Variants in ANK1 observed in about 807,000 individuals in gnomAD.
ANK1 encodes the protein ankyrin 1.
A neutral mutation model predicts 210.4 loss-of-function variants in ANK1; 51 were observed. The ratio of observed to expected loss-of-function variants is 0.24; its 90% confidence interval spans 0.19 to 0.31. ANK1 has a LOEUF of 0.31. Among genes scored for constraint, ANK1 ranks in the 10% least tolerant of loss-of-function variants. The pLI, the probability that ANK1 is intolerant of heterozygous loss-of-function variation, is 1.00. For missense variants in ANK1, 2,051 were observed against 2,504.4 expected (o/e 0.82, Z 3.86); for synonymous variants, 967 against 1,025.9 (o/e 0.94, Z 1.10).
At chr8:41,779,227 T>C (rs554724963) in intron 1 of ANK1, among the ~76,000 whole-genome samples, 1 of 152,098 alleles carries the variant, frequency 6.6e-6, no homozygotes, top group African/African-American at 2.4e-5. Context: ...TGGTCTGGAA[T>C]GCCCTTCTCT....
At chr8:41,852,660 A>T (rs1811473294) in intron 1 of ANK1, among the ~76,000 whole-genome samples, 1 of 152,246 alleles carries the variant, frequency 6.6e-6, no homozygotes, top group Non-Finnish European at 1.5e-5. Flanking sequence ...CTTCTAAGGG[A>T]AACATCCTTT....
intron 1 of ANK1, among the ~76,000 whole-genome samples, chr8:41,876,900 A>C (rs1413756541): frequency 6.6e-6 from 1 of 152,230 alleles, no homozygotes; most frequent in African/African-American, 2.4e-5. Flanking sequence ...CCATTTGATC[A>C]ATGTAAAGCC....
chr8:41,880,433 T>A (rs1429188135), intron 1 of ANK1, among the ~76,000 whole-genome samples: 3 of 152,188 alleles, frequency 2.0e-5, no homozygotes, highest in East Asian at 3.9e-4. Context: ...CCAGGAGTGA[T>A]TTTTTTCTTC....
At chr8:41,728,662 G>A (rs1439948208) in intron 3 of ANK1, among the ~76,000 whole-genome samples, 7 of 152,274 alleles carry the variant, frequency 4.6e-5, no homozygotes, top group Non-Finnish European at 8.8e-5. Context: ...GAAGGAGAGT[G>A]CGGCCATGTC....
intron 2 of ANK1, among the ~76,000 whole-genome samples, chr8:41,734,631 C>T (rs140423422): frequency 9.1e-4 from 139 of 152,076 alleles, no homozygotes; most frequent in African/African-American, 3.2e-3. Context: ...GTGGCTTACA[C>T]CTGTAGTCGC....
At chr8:41,727,794 G>T in intron 4 of ANK1, 114 bp downstream of exon 4, 1 of 973,296 alleles carries the variant, frequency 1.0e-6, no homozygotes, top group Non-Finnish European at 1.6e-6. Flanking sequence ...TCTAGGCCCT[G>T]CCCCACAGTA....
At position 41,696,361 on chromosome 8, in the gene ANK1, A is replaced by G; in HGVS notation, c.2960+2T>C. On this transcript the variant is annotated splice_donor_variant, in intron 26 of 42. Transcript: ENST00000289734. LOFTEE classifies it high-confidence loss of function. ...GAACACGGGCTGCCCGCGCAAGCTC[A>G]CCTCAGGAACTGTGCCCCCGTGGGC... 6.2e-7 allele frequency: 1 copy of G among 1,613,098 alleles called. No homozygotes were observed. The highest frequency in any genetic ancestry group is 8.5e-7 in the Non-Finnish European group (1 of 1,179,914).
At chr8:41,759,375 G>A (rs956497275) in intron 1 of ANK1, among the ~76,000 whole-genome samples, 4 of 151,956 alleles carry the variant, frequency 2.6e-5, no homozygotes, top group Admixed American at 6.6e-5. Context: ...GCTTGGTGAC[G>A]TGCACCTGTA....
intron 1 of ANK1, among the ~76,000 whole-genome samples, chr8:41,866,680 A>G (rs1450502252): frequency 6.6e-6 from 1 of 152,184 alleles, no homozygotes; most frequent in African/African-American, 2.4e-5. Context: ...GTCTCTGTGC[A>G]TTTCACTACT....
rs747393478 is a variant in ANK1, at chr8:41,690,557, G to A, written c.3901C>T (p.Leu1301=). ...TGGGCAGCTTTCTTCACAGGCACCA[G>A]GTTCCCAGAGAGTTCTGCAAACAGG... The part of the protein sequence containing the change: ...MSLFAELSGN[L]VPVKKAAQQR... Residue 1301 remains leucine (L), a synonymous_variant, in exon 32 of 43, where the codon CTG becomes TTG. Transcript: ENST00000289734. 32 of 1,613,718 alleles carry A rather than the reference G, an allele frequency of 2.0e-5. No individual in the cohort carries two copies. In the South Asian group the frequency reaches 3.3e-4, roughly 17 times the overall value.
At chr8:41,869,535 G>A (rs977188538) in intron 1 of ANK1, among the ~76,000 whole-genome samples, 2 of 152,098 alleles carry the variant, frequency 1.3e-5, no homozygotes, top group African/African-American at 4.8e-5. Context: ...AGCCATGATC[G>A]TACCACTGCA....
chr8:41,747,055 G>GT (rs1423022036), intron 2 of ANK1, among the ~76,000 whole-genome samples: 13 of 152,180 alleles, frequency 8.5e-5, no homozygotes, highest in African/African-American at 2.9e-4. Context: ...ATAAGACAAC[G>GT]TAACAGCTTG....
At chr8:41,802,994 A>AGAGAAAGG (rs1850175470) in intron 1 of ANK1, among the ~76,000 whole-genome samples, 1 of 67,410 alleles carries the variant, frequency 1.5e-5, no homozygotes, top group Non-Finnish European at 3.2e-5. Flanking sequence ...AGAGAGAAAG[A>AGAGAAAGG]GAGAAAGAAA....
At chr8:41,678,942 C>G (rs1815062044) in intron 37 of ANK1, among the ~76,000 whole-genome samples, 1 of 152,104 alleles carries the variant, frequency 6.6e-6, no homozygotes. Context: ...TGCCACCTCA[C>G]CCAGCTAATT....
chr8:41,675,023 G>T (rs1813694807), intron 37 of ANK1, among the ~76,000 whole-genome samples: 1 of 152,206 alleles, frequency 6.6e-6, no homozygotes, highest in South Asian at 2.1e-4. Flanking sequence ...AGGACATTTT[G>T]GGGTCAACTG....
Position 41,725,832 on chromosome 8 carries a change from C to T in ANK1, c.541G>A (p.Ala181Thr). 1 of 1,611,908 alleles carries T rather than the reference C, an allele frequency of 6.2e-7. No individual in the cohort carries two copies. Among genetic ancestry groups the T allele is most frequent in the South Asian group, 1.1e-5 (1 of 90,746 alleles). The change falls in exon 6 of 43, where the codon GCC becomes ACC. Residue 181 changes from alanine to threonine, a missense_variant. This residue lies in a region of ANK1 where 1,413 missense variants were observed against 1,707.4 expected (regional missense o/e 0.83). Transcript: ENST00000289734. ...KVRLPALHIA[A>T]RNDDTRTAAV... ...GCCGTGCGCGTGTCGTCGTTGCGGGCCGCGATGTGCAGGGCCGGGAGGCGC... is the reference window on the plus strand; with the variant it reads ...GCCGTGCGCGTGTCGTCGTTGCGGGTCGCGATGTGCAGGGCCGGGAGGCGC...
rs376407187 is a variant in ANK1, at chr8:41,718,125, G to C, written c.1187C>G (p.Ser396Trp). 1.2e-6 allele frequency: 2 copies of C among 1,613,952 alleles called. No homozygotes were observed. The highest frequency in any genetic ancestry group is 1.1e-5 in the South Asian group (1 of 91,076). ...TCCTACCTCGGTGACCGCGTCGATCGAGGCTCCCGTCTTCAGCAGCAGCTC... is the reference window on the plus strand; with the variant it reads ...TCCTACCTCGGTGACCGCGTCGATCCAGGCTCCCGTCTTCAGCAGCAGCTC... ...VMELLLKTGASIDAVTESGLT... is the reference protein window; with the variant it reads ...VMELLLKTGAWIDAVTESGLT... Residue 396 changes from serine (S) to tryptophan (W), a missense_variant, in exon 11 of 43, where the codon TCG becomes TGG. Physicochemically the swap from Ser to Trp is radical, Grantham distance 177. Transcript: ENST00000289734.
At chr8:41,746,505 T>A (rs1458223334) in intron 2 of ANK1, among the ~76,000 whole-genome samples, 1 of 152,156 alleles carries the variant, frequency 6.6e-6, no homozygotes, top group Non-Finnish European at 1.5e-5. Context: ...CCCTCCTGCC[T>A]GGGTAGCGCT....
chr8:41,698,002 T>C (rs1349530371), intron 24 of ANK1, 41 bp downstream of exon 24: 2 of 1,600,846 alleles, frequency 1.2e-6, no homozygotes, highest in Non-Finnish European at 1.7e-6. Context: ...AGGGTTTTCA[T>C]GCCCTCCATG....
Sources: gnomAD v4.1 joint callset for allele counts (sites outside exome capture counted in the v4.1 genomes callset) on GRCh38, gnomAD v4.1.1 for gene constraint, gnomAD v4.1.1 regional missense constraint, MANE v1.5 for transcripts, NCBI Gene and HGNC (gene_info 2026-07-23, HGNC 2026-07-21) for gene names.